The following TAFA5 variants were observed in gnomAD, a reference collection of about 807,000 sequenced individuals.
TAFA5 encodes the protein chemokine-like protein TAFA-5.
Under a neutral mutation model 15.3 loss-of-function variants are expected in TAFA5, and 6 were observed. The ratio of observed to expected loss-of-function variants is 0.39; its 90% CI spans 0.21 to 0.77. TAFA5 has a LOEUF of 0.77. Among genes scored for constraint, TAFA5 ranks in the 30% least tolerant of loss-of-function variants. The pLI is 0.41. For missense variants in TAFA5, 161 were observed against 193.1 expected (o/e 0.83, Z 0.98); for synonymous variants, 103 against 80.7 (o/e 1.28, Z -1.48).
At chr22:48,525,728 C>T (rs1921759387) in intron 1 of TAFA5, among the ~76,000 whole-genome samples, 1 of 152,202 alleles carries the variant, frequency 6.6e-6, no homozygotes, top group Non-Finnish European at 1.5e-5. Context: ...CTAAAGAAGC[C>T]CTGCCTACCC....
At chr22:48,576,039 A>ACCCCCCCCCCCCCCCCCCCC (rs535068094) in intron 1 of TAFA5, among the ~76,000 whole-genome samples, 2 of 31,432 alleles carry the variant, frequency 6.4e-5, no homozygotes, top group African/African-American at 2.3e-4. Flanking sequence ...GCCGCGCCGG[A>ACCCCCCCCCCCCCCCCCCCC]CCCCCCCCCC....
intron 1 of TAFA5, among the ~76,000 whole-genome samples, chr22:48,558,370 G>T (rs1191801384): frequency 6.6e-6 from 1 of 152,140 alleles, no homozygotes; most frequent in Non-Finnish European, 1.5e-5. Context: ...TTTTGAATGC[G>T]TCCCTCCCTG....
At position 48,550,128 on chromosome 22, in the gene TAFA5, G is replaced by A. The variant is rs183741488; in HGVS notation, c.112+60424G>A. 1.3e-5 allele frequency among the ~76,000 whole-genome samples: 2 copies of A among 152,222 alleles called. No homozygotes were observed. The highest frequency in any genetic ancestry group is 4.8e-5 in the African/African-American group (2 of 41,458). On this transcript the variant is annotated intron_variant, in intron 1 of 3. Coordinates refer to ENST00000402357, the MANE Select transcript of TAFA5 (RefSeq NM_001082967.3). The surrounding 1 kb of genome is among the most constrained non-coding windows in gnomAD (Gnocchi z 4.1). ...AAGCTGGGAACTTTGGGGTATGCTG[G>A]GCATGGGTGTAGCAGCCTGTGTGTG...
At chr22:48,676,989 G>A (rs1417961096) in intron 2 of TAFA5, among the ~76,000 whole-genome samples, 2 of 152,186 alleles carry the variant, frequency 1.3e-5, no homozygotes, top group South Asian at 4.1e-4. Context: ...GTAGGCCTCT[G>A]CCCTGCAGAA....
intron 2 of TAFA5, among the ~76,000 whole-genome samples, chr22:48,687,329 A>G (rs1015315333): frequency 6.8e-6 from 1 of 147,586 alleles, no homozygotes; most frequent in African/African-American, 2.5e-5. Flanking sequence ...GATGGTGGAC[A>G]GGTGGATGGA....
chr22:48,692,535 A>C (rs1928574838), intron 2 of TAFA5, among the ~76,000 whole-genome samples: 1 of 152,176 alleles, frequency 6.6e-6, no homozygotes, highest in African/African-American at 2.4e-5. Flanking sequence ...AATTGCTGGG[A>C]TCACAGGCCT....
intron 2 of TAFA5, among the ~76,000 whole-genome samples, chr22:48,681,326 C>T (rs983282302): frequency 1.8e-4 from 28 of 152,096 alleles, no homozygotes; most frequent in African/African-American, 6.0e-4. Flanking sequence ...TAGAGACGCT[C>T]TCCTCATTTC....
chr22:48,590,152 G>C (rs527941956), intron 1 of TAFA5, among the ~76,000 whole-genome samples: 2 of 152,278 alleles, frequency 1.3e-5, no homozygotes, highest in South Asian at 4.1e-4. Flanking sequence ...GGAAGATCCG[G>C]ATTCCCATCC....
intron 2 of TAFA5, among the ~76,000 whole-genome samples, chr22:48,701,382 TGAG>T (rs1928900557): frequency 6.6e-6 from 1 of 152,156 alleles, no homozygotes; most frequent in Admixed American, 6.5e-5. Context: ...GTCCCCACAC[TGAG>T]GACGTGGCAC....
intron 2 of TAFA5, among the ~76,000 whole-genome samples, chr22:48,678,012 C>A (rs1928030105): frequency 6.6e-6 from 1 of 152,178 alleles, no homozygotes; most frequent in African/African-American, 2.4e-5. Context: ...GCATCCCAAA[C>A]CTTCCAGGCC....
chr22:48,505,758 G>T (rs1920988099), intron 1 of TAFA5, among the ~76,000 whole-genome samples: 1 of 152,198 alleles, frequency 6.6e-6, no homozygotes, highest in South Asian at 2.1e-4. Flanking sequence ...CCACCCTCAG[G>T]CTTGAAGATT....
intron 1 of TAFA5, among the ~76,000 whole-genome samples, chr22:48,563,229 C>T (rs1345277040): frequency 6.6e-6 from 1 of 152,190 alleles, no homozygotes; most frequent in Admixed American, 6.5e-5. Context: ...AGTGGCCCCT[C>T]GTCCCGGGTG....
intron 1 of TAFA5, among the ~76,000 whole-genome samples, chr22:48,499,505 C>T (rs1367447286): frequency 6.6e-6 from 1 of 152,180 alleles, no homozygotes; most frequent in East Asian, 1.9e-4. Context: ...AGCCTAGCAC[C>T]GACGTGCCCT....
At chr22:48,539,944 G>A (rs1252135688) in intron 1 of TAFA5, among the ~76,000 whole-genome samples, 1 of 152,100 alleles carries the variant, frequency 6.6e-6, no homozygotes, top group East Asian at 1.9e-4. Context: ...AGGGAGAGGA[G>A]TTTGGTTCGA....
chr22:48,673,543 C>T (rs1927868938), intron 2 of TAFA5, among the ~76,000 whole-genome samples: 1 of 152,208 alleles, frequency 6.6e-6, no homozygotes, highest in South Asian at 2.1e-4. Flanking sequence ...AAGAGGCCGG[C>T]CTTCTTCTGA....
intron 2 of TAFA5, among the ~76,000 whole-genome samples, chr22:48,649,935 C>T (rs1926993910): frequency 6.6e-6 from 1 of 152,160 alleles, no homozygotes; most frequent in Admixed American, 6.5e-5. Flanking sequence ...TCACCAGGAG[C>T]CTCCTGGTGC....
intron 1 of TAFA5, chr22:48,547,165 A>G (rs892857741): frequency 1.3e-5 from 2 of 152,438 alleles, no homozygotes; most frequent in African/African-American, 4.8e-5. Flanking sequence ...ATGAAAAGGC[A>G]GAGGGAGTCT....
chr22:48,625,478 C>T (rs556583240), intron 1 of TAFA5, among the ~76,000 whole-genome samples: 7 of 152,336 alleles, frequency 4.6e-5, no homozygotes, highest in Admixed American at 1.3e-4. Flanking sequence ...ATAGCACTAT[C>T]GCAATCATGA....
At chr22:48,712,616 C>T (rs1929286495) in intron 3 of TAFA5, among the ~76,000 whole-genome samples, 1 of 152,302 alleles carries the variant, frequency 6.6e-6, no homozygotes, top group African/African-American at 2.4e-5. Flanking sequence ...CTGACCTCTG[C>T]GGTGCTTTTC....
Sources: allele counts gnomAD v4.1 joint callset (sites outside exome capture counted in the v4.1 genomes callset), GRCh38; gene constraint gnomAD v4.1.1; non-coding constraint Gnocchi (gnomAD v3.1); transcripts MANE v1.5; gene names NCBI Gene and HGNC (gene_info 2026-07-23, HGNC 2026-07-21).